The following PARD3B variants were observed in gnomAD, a reference collection of about 807,000 sequenced individuals.
PARD3B encodes the protein par-3 family cell polarity regulator beta, also known as partitioning defective 3 homolog B.
In PARD3B, 103 loss-of-function variants were observed where a neutral mutation model predicts 130.2. The observed-to-expected ratio is 0.79, with a 90% CI of 0.67 to 0.93. The LOEUF (loss-of-function observed/expected upper bound fraction) is 0.93, where lower values mean the gene tolerates loss of function less well. Among genes scored for constraint, PARD3B ranks in the 40% least tolerant of loss-of-function variants. The pLI, the probability that PARD3B is intolerant of heterozygous loss-of-function variation, is 0.00. For missense variants in PARD3B, 1,609 were observed against 1,499.2 expected (o/e 1.07, Z -1.21); for synonymous variants, 583 against 553.2 (o/e 1.05, Z -0.76).
intron 1 of PARD3B, among the ~76,000 whole-genome samples, chr2:204,586,376 A>C (rs2032825738): frequency 6.6e-6 from 1 of 152,162 alleles, no homozygotes. Context: ...TGTCTATTTT[A>C]ACATATGTCA....
chr2:205,010,182 A>C (rs946297633), intron 3 of PARD3B, among the ~76,000 whole-genome samples: 2 of 152,128 alleles, frequency 1.3e-5, no homozygotes, highest in Admixed American at 1.3e-4. Context: ...CCTTCATTAT[A>C]CTTTTTTTTT....
intron 2 of PARD3B, among the ~76,000 whole-genome samples, chr2:204,796,284 T>C (rs1275980663): frequency 6.6e-6 from 1 of 152,182 alleles, no homozygotes; most frequent in African/African-American, 2.4e-5. Flanking sequence ...CAGGGAGCAA[T>C]ATGACACTGC....
intron 3 of PARD3B, among the ~76,000 whole-genome samples, chr2:204,996,872 A>C (rs1694251248): frequency 6.9e-6 from 1 of 145,324 alleles, no homozygotes. Context: ...CCTTTCTTTG[A>C]CTCGAAAAGG....
In PARD3B at chr2:205,181,412, T is replaced by C. The variant is rs566997123; in HGVS notation, c.1925-4352T>C. Among the ~76,000 whole-genome samples the C allele has an allele frequency of 3.2e-4, 48 of 152,342 alleles. 1 individual carries two copies. The highest frequency in any genetic ancestry group is 5.6e-4 in the Non-Finnish European group (38 of 68,030). Reference sequence around the variant, plus strand: ...ACACTATCAGGAGTGGTGAATGCAGTAGTATTATTGTCCTTAAGAATAGTC... The same window carrying C: ...ACACTATCAGGAGTGGTGAATGCAGCAGTATTATTGTCCTTAAGAATAGTC... On this transcript the variant is annotated intron_variant, in intron 13 of 22. Transcript: ENST00000406610.
At position 204,871,393 on chromosome 2, in the gene PARD3B, A is replaced by G. The variant is rs145237607; in HGVS notation, c.223-93759A>G. ...GCATCATATCCTGATCTATCCTTCAATTTTAACTTTAGAAGTAGCTTCCTC... is the reference window on the plus strand; with the variant it reads ...GCATCATATCCTGATCTATCCTTCAGTTTTAACTTTAGAAGTAGCTTCCTC... On this transcript the variant is annotated intron_variant, in intron 2 of 22. Coordinates refer to ENST00000406610, the MANE Select transcript of PARD3B (RefSeq NM_001302769.2). Among the ~76,000 whole-genome samples the G allele has an allele frequency of 3.9e-3, 592 of 152,180 alleles. 8 individuals carry two copies. Among genetic ancestry groups the G allele is most frequent in the East Asian group, 8.5e-3 (44 of 5,162 alleles).
intron 2 of PARD3B, among the ~76,000 whole-genome samples, chr2:204,864,572 C>T (rs12327977): frequency 0.076 from 11,613 of 152,136 alleles, 1,025 homozygotes; most frequent in African/African-American, 0.21. Context: ...GCTTCTCTGA[C>T]CAAATTATCT....
At position 204,545,870 on chromosome 2, in the gene PARD3B, A is replaced by T. The variant is rs2125035992; in HGVS notation, c.-130A>T. On this transcript the variant is annotated 5_prime_UTR_variant, in exon 1 of 23. Transcript: ENST00000406610. Reference sequence around the variant, plus strand: ...GCGCTGCCGCGAGCCTCCGGGCCTCAGGGTGTTCCGGGGAGCGGCGCCCCG... The same window carrying T: ...GCGCTGCCGCGAGCCTCCGGGCCTCTGGGTGTTCCGGGGAGCGGCGCCCCG... The T allele has an allele frequency of 1.9e-6, 2 of 1,051,410 alleles. No individual in the cohort carries two copies. Among genetic ancestry groups the T allele is most frequent in the Non-Finnish European group, 2.6e-6 (2 of 777,158 alleles). The allele number at this position is 1,051,410 out of a possible 1,614,324, so 65.1% of individuals were successfully genotyped here.
rs1236885032 is a variant in PARD3B, at chr2:204,750,625, CAT to C, written c.222+64345_222+64346del. 4.0e-5 allele frequency among the ~76,000 whole-genome samples: 6 copies of C among 149,440 alleles called. No homozygotes were observed. In the East Asian group the frequency reaches 5.8e-4, roughly 14 times the overall value. ...ACATACATACATACATACATACATA[CAT>C]ACATACACACACACATACATACATA... On this transcript the variant is annotated intron_variant, in intron 2 of 22. Transcript: ENST00000406610.
chr2:205,508,081 G>A (rs1038221105), intron 21 of PARD3B, among the ~76,000 whole-genome samples: 4 of 152,238 alleles, frequency 2.6e-5, no homozygotes, highest in Admixed American at 2.6e-4. Flanking sequence ...CATAAAGGTT[G>A]TAGGGATAGT....
chr2:205,535,302 T>C (rs1483532954), intron 21 of PARD3B, among the ~76,000 whole-genome samples: 1 of 152,112 alleles, frequency 6.6e-6, no homozygotes, highest in Non-Finnish European at 1.5e-5. Context: ...CCCCAGTCAA[T>C]AGGTAGGGAG....
intron 1 of PARD3B, among the ~76,000 whole-genome samples, chr2:204,672,191 C>T (rs1410124532): frequency 2.0e-5 from 3 of 152,028 alleles, no homozygotes; most frequent in African/African-American, 4.8e-5. Context: ...GGTGTTACAC[C>T]CAAGGGAAGC....
At chr2:204,741,116 C>T (rs936509131) in intron 2 of PARD3B, among the ~76,000 whole-genome samples, 1 of 152,030 alleles carries the variant, frequency 6.6e-6, no homozygotes, top group Non-Finnish European at 1.5e-5. Context: ...TTAAAAATGG[C>T]AGGTTTTGCT....
At chr2:204,690,786 C>T (rs2037317994) in intron 2 of PARD3B, among the ~76,000 whole-genome samples, 1 of 152,106 alleles carries the variant, frequency 6.6e-6, no homozygotes, top group African/African-American at 2.4e-5. Flanking sequence ...CCTCTTTTCC[C>T]ATTTTAACTT....
intron 8 of PARD3B, among the ~76,000 whole-genome samples, chr2:205,123,945 T>C (rs947516340): frequency 6.6e-6 from 1 of 152,182 alleles, no homozygotes; most frequent in African/African-American, 2.4e-5. Flanking sequence ...AGCCATAGGT[T>C]GTCCAGCTCA....
chr2:204,732,024 T>C (rs545323973), intron 2 of PARD3B, among the ~76,000 whole-genome samples: 36 of 152,228 alleles, frequency 2.4e-4, no homozygotes, highest in African/African-American at 8.2e-4. Context: ...TTGTTTCCTG[T>C]TTGTCTACGA....
chr2:205,331,835 CA>C (rs1381392501), intron 18 of PARD3B, among the ~76,000 whole-genome samples: 1 of 141,920 alleles, frequency 7.0e-6, no homozygotes, highest in East Asian at 2.1e-4. Context: ...TGGCCAGGCA[CA>C]GTGGCTCATG....
In PARD3B at chr2:205,351,368, A is replaced by C. The variant is rs913090305; in HGVS notation, c.2631-49645A>C. ...ATTTTTTTCCTTTTTATCAGTCTAGATAGATTGAGCCTAGGTCATCTCTTT... is the reference window on the plus strand; with the variant it reads ...ATTTTTTTCCTTTTTATCAGTCTAGCTAGATTGAGCCTAGGTCATCTCTTT... On this transcript the variant is annotated intron_variant, in intron 18 of 22. Transcript: ENST00000406610. This position sits in a 1 kb window ranked among gnomAD's most constrained non-coding sequence, Gnocchi z 4.2. Among the ~76,000 whole-genome samples, 3 of 152,146 alleles carry C rather than the reference A, an allele frequency of 2.0e-5. No homozygotes were observed. The highest frequency in any genetic ancestry group is 7.2e-5 in the African/African-American group (3 of 41,428).
At position 205,244,265 on chromosome 2, in the gene PARD3B, A is replaced by G. The variant is rs1410194606; in HGVS notation, c.2141-1513A>G. ...GGACATGTTACTCTGAGATCAATCT[A>G]GTGTTAGGCGAAATGGAAGAGATTC... On this transcript the variant is annotated intron_variant, in intron 15 of 22. Transcript: ENST00000406610. The surrounding 1 kb of genome is among the most constrained non-coding windows in gnomAD (Gnocchi z 4.7). Among the ~76,000 whole-genome samples the G allele has an allele frequency of 6.6e-6, 1 of 152,228 alleles. No individual in the cohort carries two copies. The highest frequency in any genetic ancestry group is 1.5e-5 in the Non-Finnish European group (1 of 68,036).
chr2:204,690,052 A>G (rs1248602787), intron 2 of PARD3B, among the ~76,000 whole-genome samples: 2 of 152,134 alleles, frequency 1.3e-5, no homozygotes, highest in African/African-American at 2.4e-5. Context: ...AATATATTTC[A>G]ACCCTGTTTG....
Sources: gnomAD v4.1 joint callset for allele counts (sites outside exome capture counted in the v4.1 genomes callset) on GRCh38, gnomAD v4.1.1 for gene constraint, Gnocchi (gnomAD v3.1) non-coding constraint, MANE v1.5 for transcripts, NCBI Gene and HGNC (gene_info 2026-07-23, HGNC 2026-07-21) for gene names.